ITPK1: variants seen among roughly 807,000 people sequenced by gnomAD.
The protein encoded by ITPK1 is inositol 1,3,4-trisphosphate 5/6-kinase.
In ITPK1, 21 loss-of-function variants were observed where a neutral mutation model predicts 45.3. The observed-to-expected ratio is 0.46, with a 90% CI of 0.33 to 0.67. The LOEUF is 0.67. Among genes scored for constraint, ITPK1 ranks in the 30% least tolerant of loss-of-function variants. ITPK1 has a pLI of 0.02. For missense variants in ITPK1, 474 were observed against 573.5 expected (o/e 0.83, Z 1.77); for synonymous variants, 258 against 253.6 (o/e 1.02, Z -0.16).
intron 3 of ITPK1, among the ~76,000 whole-genome samples, chr14:93,040,850 G>T (rs1889530257): frequency 6.6e-6 from 1 of 152,082 alleles, no homozygotes; most frequent in African/African-American, 2.4e-5. Flanking sequence ...CAAGGTCCTG[G>T]CTCCATCACC....
chr14:93,096,228 C>T (rs1219979534), intron 2 of ITPK1, among the ~76,000 whole-genome samples: 4 of 152,210 alleles, frequency 2.6e-5, no homozygotes, highest in African/African-American at 7.2e-5. Flanking sequence ...CAGCTTTCTG[C>T]GACTGACTCC....
At chr14:93,109,369 C>A (rs1469916919) in intron 2 of ITPK1, among the ~76,000 whole-genome samples, 1 of 152,192 alleles carries the variant, frequency 6.6e-6, no homozygotes, top group African/African-American at 2.4e-5. Context: ...GACAGACTGC[C>A]CCAGGGAACT....
At chr14:93,073,628 T>C (rs959613201) in intron 3 of ITPK1, among the ~76,000 whole-genome samples, 6 of 152,212 alleles carry the variant, frequency 3.9e-5, no homozygotes, top group Non-Finnish European at 7.3e-5. Flanking sequence ...CATCCTTTTT[T>C]TTAGATAGCA....
intron 2 of ITPK1, among the ~76,000 whole-genome samples, chr14:93,100,609 C>T (rs1410541141): frequency 2.6e-5 from 4 of 151,870 alleles, no homozygotes; most frequent in African/African-American, 7.3e-5. Context: ...ATTGGACTGT[C>T]GCCTGAGTCT....
intron 2 of ITPK1, among the ~76,000 whole-genome samples, chr14:93,093,568 C>CGT (rs1193724027): frequency 6.6e-6 from 1 of 152,156 alleles, no homozygotes; most frequent in Non-Finnish European, 1.5e-5. Context: ...ATGAATGTGC[C>CGT]GTGTGTACTG....
At position 93,086,247 on chromosome 14, in the gene ITPK1, A is replaced by G. The variant is rs78220678; in HGVS notation, c.96-9628T>C. On this transcript the variant is annotated intron_variant, in intron 2 of 10. Transcript: ENST00000267615. ...TACCCCACACTCCTAAAATAGCAGC[A>G]TAAGTGTGTGTGTCCCCAGCCTGTG... Among the ~76,000 whole-genome samples, 297 of 152,302 alleles carry G rather than the reference A, an allele frequency of 2.0e-3. 8 individuals are homozygous for G. In the East Asian group the frequency reaches 0.046, roughly 24 times the overall value.
chr14:93,005,407 C>T (rs1311021955), intron 4 of ITPK1, among the ~76,000 whole-genome samples: 3 of 152,164 alleles, frequency 2.0e-5, no homozygotes, highest in South Asian at 2.1e-4. Flanking sequence ...AGTTTGAGAA[C>T]ACAGCACCAG....
intron 4 of ITPK1, among the ~76,000 whole-genome samples, chr14:93,005,400 T>C (rs1455554560): frequency 6.6e-6 from 1 of 152,012 alleles, no homozygotes; most frequent in Non-Finnish European, 1.5e-5. Flanking sequence ...AAAGTGAAGT[T>C]TGAGAACACA....
chr14:93,024,330 G>A (rs1179400954), intron 3 of ITPK1, among the ~76,000 whole-genome samples: 1 of 152,190 alleles, frequency 6.6e-6, no homozygotes, highest in Non-Finnish European at 1.5e-5. Flanking sequence ...TTAGAGGGCA[G>A]GGGCTGAGCC....
At position 93,016,595 on chromosome 14, in the gene ITPK1, A is replaced by G. The variant is rs1291512220; in HGVS notation, c.246+81T>C. The G allele has an allele frequency of 1.3e-6, 2 of 1,510,496 alleles. No individual in the cohort carries two copies. Among genetic ancestry groups the G allele is most frequent in the East Asian group, 4.5e-5 (2 of 44,050 alleles). 93.6% of individuals were successfully genotyped at this position (1,510,496 alleles called of 1,614,324 possible). On this transcript the variant is annotated intron_variant, in intron 4 of 10. Coordinates refer to ENST00000267615, the MANE Select transcript of ITPK1 (RefSeq NM_014216.6). This position sits in a 1 kb window ranked among gnomAD's most constrained non-coding sequence, Gnocchi z 5.0. ...ACCTCCAGAGAGCTGCTACCGCCCT[A>G]AATACACACACGGCCATTCCAGGGC...
At chr14:92,981,988 G>A (rs1435396889) in intron 5 of ITPK1, among the ~76,000 whole-genome samples, 1 of 152,246 alleles carries the variant, frequency 6.6e-6, no homozygotes, top group East Asian at 1.9e-4. Context: ...TGCCCCTGGG[G>A]TTCGGCTTGG....
intron 5 of ITPK1, among the ~76,000 whole-genome samples, chr14:92,969,389 G>A (rs939063247): frequency 6.6e-6 from 1 of 152,066 alleles, no homozygotes; most frequent in South Asian, 2.1e-4. Flanking sequence ...CCAAAGACTG[G>A]GGGGGTGGGG....
chr14:93,053,255 C>T (rs1199417323), intron 3 of ITPK1, among the ~76,000 whole-genome samples: 2 of 152,218 alleles, frequency 1.3e-5, no homozygotes, highest in African/African-American at 4.8e-5. Flanking sequence ...CCCCCTCAGA[C>T]CTACTGGTTC....
intron 10 of ITPK1, among the ~76,000 whole-genome samples, chr14:92,942,789 GGCTCCCA>G (rs1293973028): frequency 6.6e-6 from 1 of 152,228 alleles, no homozygotes; most frequent in Non-Finnish European, 1.5e-5. Flanking sequence ...GGATTCTGCT[GGCTCCCA>G]GCAAACTGCT....
intron 5 of ITPK1, among the ~76,000 whole-genome samples, chr14:92,964,673 T>C (rs1295255135): frequency 1.3e-5 from 2 of 152,100 alleles, no homozygotes; most frequent in Non-Finnish European, 2.9e-5. Context: ...CCTTGGCCCC[T>C]CCTCCCACAG....
chr14:92,955,560 CAA>C (rs1441659496), intron 8 of ITPK1, among the ~76,000 whole-genome samples: 1 of 152,224 alleles, frequency 6.6e-6, no homozygotes, highest in Non-Finnish European at 1.5e-5. Flanking sequence ...GCAGAGAACA[CAA>C]AATGTTCCTG....
intron 9 of ITPK1, among the ~76,000 whole-genome samples, chr14:92,947,525 G>A (rs1338630775): frequency 6.6e-6 from 1 of 152,242 alleles, no homozygotes; most frequent in Admixed American, 6.5e-5. Flanking sequence ...CTAGCTCTGT[G>A]GACTTCGGAA....
intron 2 of ITPK1, among the ~76,000 whole-genome samples, chr14:93,094,244 G>T (rs971574222): frequency 2.0e-5 from 3 of 152,250 alleles, no homozygotes; most frequent in African/African-American, 7.2e-5. Flanking sequence ...GACACTGGCA[G>T]GTGGCTGCCC....
At chr14:93,029,942 G>A (rs1211287417) in intron 3 of ITPK1, among the ~76,000 whole-genome samples, 1 of 152,194 alleles carries the variant, frequency 6.6e-6, no homozygotes, top group Non-Finnish European at 1.5e-5. Flanking sequence ...ATTTCTATCT[G>A]AGCTCTCAGC....
Sources: allele counts gnomAD v4.1 joint callset (sites outside exome capture counted in the v4.1 genomes callset), GRCh38; gene constraint gnomAD v4.1.1; non-coding constraint Gnocchi (gnomAD v3.1); transcripts MANE v1.5; gene names NCBI Gene and HGNC (gene_info 2026-07-23, HGNC 2026-07-21).